SUMF1: variants seen among roughly 807,000 people sequenced by gnomAD.
SUMF1 encodes sulfatase modifying factor 1.
Under a neutral mutation model 47.6 loss-of-function variants are expected in SUMF1, and 48 were observed. The ratio of observed to expected loss-of-function variants is 1.01; its 90% CI spans 0.80 to 1.28. The LOEUF is 1.28. SUMF1 is among the 50% of genes most tolerant of loss of function. The pLI, the probability that SUMF1 is intolerant of heterozygous loss-of-function variation, is 0.00. For synonymous variants in SUMF1, 230 were observed against 192.1 expected (o/e 1.20, Z -1.63); for missense variants, 571 against 485.4 (o/e 1.18, Z -1.66).
At chr3:4,444,619 C>A (rs12634249) in intron 3 of SUMF1, among the ~76,000 whole-genome samples, 30,216 of 152,044 alleles carry the variant, frequency 0.2, 3,402 homozygotes, top group Admixed American at 0.28. Flanking sequence ...AAAATAAATG[C>A]GTGATTATAG....
At chr3:4,311,531 A>G (rs1169494123) in intron 8 of SUMF1, among the ~76,000 whole-genome samples, 5 of 152,198 alleles carry the variant, frequency 3.3e-5, no homozygotes, top group Admixed American at 6.5e-5. Flanking sequence ...AGAAGAACAC[A>G]TTGGTGGAAT....
intron 8 of SUMF1, among the ~76,000 whole-genome samples, chr3:4,290,194 A>G (rs17040346): frequency 0.074 from 11,312 of 152,210 alleles, 1,014 homozygotes; most frequent in African/African-American, 0.21. Context: ...AGTATTTTCC[A>G]TCTTTTGTCA....
chr3:4,284,474 A>AAGG (rs1305350474), intron 8 of SUMF1, among the ~76,000 whole-genome samples: 3 of 119,320 alleles, frequency 2.5e-5, no homozygotes, highest in Admixed American at 8.1e-5. Flanking sequence ...GGAGGAGGAG[A>AAGG]AGGAGGAGGA....
chr3:4,348,682 T>G (rs1417443396), intron 8 of SUMF1, among the ~76,000 whole-genome samples: 3 of 148,920 alleles, frequency 2.0e-5, no homozygotes, highest in African/African-American at 7.5e-5. Flanking sequence ...CTGACCAACA[T>G]GCAGAAATGC....
rs573507533 is a variant in SUMF1 at position 4,432,310 on chromosome 3, G to C, written c.520-12164C>G. On this transcript the variant is annotated intron_variant, in intron 3 of 8. Transcript: ENST00000272902. ...CTTCCAAATATCAGATCACTTCTTA[G>C]CTTCTCTCTTCCTACCACCTGGTTC... Among the ~76,000 whole-genome samples the C allele has an allele frequency of 2.1e-4, 32 of 151,032 alleles. 1 individual carries two copies. The South Asian group carries it at 6.7e-3, about 32-fold the overall frequency.
chr3:4,167,434 G>T (rs1285153450), intron 8 of SUMF1, among the ~76,000 whole-genome samples: 1 of 152,068 alleles, frequency 6.6e-6, no homozygotes, highest in Non-Finnish European at 1.5e-5. Flanking sequence ...CCATTTTACA[G>T]AGTGCTGATT....
At chr3:4,258,398 A>G (rs1246830224) in intron 8 of SUMF1, among the ~76,000 whole-genome samples, 2 of 143,030 alleles carry the variant, frequency 1.4e-5, no homozygotes, top group Non-Finnish European at 3.0e-5. Context: ...TCTACAATGA[A>G]CTCAAACAAA....
chr3:4,420,397 ATT>A (rs35849841), intron 3 of SUMF1, among the ~76,000 whole-genome samples: 1 of 140,826 alleles, frequency 7.1e-6, no homozygotes, highest in African/African-American at 2.6e-5. Context: ...ATCTATAAGA[ATT>A]TTTTTTTTTT....
At chr3:4,067,333 A>C (rs1695400727) in intron 9 of SUMF1, among the ~76,000 whole-genome samples, 1 of 152,194 alleles carries the variant, frequency 6.6e-6, no homozygotes, top group South Asian at 2.1e-4. Flanking sequence ...GTTTTGAGGC[A>C]TATATACCAT....
At chr3:4,236,003 T>C (rs1398124440) in intron 8 of SUMF1, among the ~76,000 whole-genome samples, 4 of 152,092 alleles carry the variant, frequency 2.6e-5, no homozygotes, top group African/African-American at 2.4e-5. Flanking sequence ...AGTTCAGCGA[T>C]AGGATTTTGG....
chr3:4,070,466 C>G (rs1410790124), intron 8 of SUMF1, among the ~76,000 whole-genome samples: 2 of 152,116 alleles, frequency 1.3e-5, no homozygotes, highest in Admixed American at 6.5e-5. Flanking sequence ...TGAAGTCATT[C>G]TTTCTAAGAG....
At chr3:4,447,913 G>C (rs140799232) in intron 3 of SUMF1, among the ~76,000 whole-genome samples, 103 of 152,170 alleles carry the variant, frequency 6.8e-4, no homozygotes, top group African/African-American at 2.4e-3. Context: ...CCCTGTATCT[G>C]AAAAGGCAAA....
intron 9 of SUMF1, among the ~76,000 whole-genome samples, chr3:4,036,717 G>A (rs1361700395): frequency 6.6e-6 from 1 of 151,820 alleles, no homozygotes; most frequent in Non-Finnish European, 1.5e-5. Flanking sequence ...AATCTATTCT[G>A]GTGCTGAATG....
At chr3:4,450,709 G>C (rs898204650) in intron 2 of SUMF1, among the ~76,000 whole-genome samples, 14 of 152,166 alleles carry the variant, frequency 9.2e-5, no homozygotes, top group Admixed American at 7.2e-4. Context: ...GTAAGGTAGA[G>C]TGTCATGAAA....
intron 8 of SUMF1, among the ~76,000 whole-genome samples, chr3:4,090,007 T>C (rs968570293): frequency 2.1e-4 from 32 of 152,142 alleles, no homozygotes; most frequent in African/African-American, 7.0e-4. Flanking sequence ...CTTGAGACTA[T>C]CTCAAATCAA....
In SUMF1 at chr3:4,467,115, C is replaced by G; in HGVS notation, c.131G>C (p.Gly44Ala). The change falls in exon 1 of 9, where the codon GGG (glycine) becomes GCG (alanine). Residue 44 changes from glycine (G) to alanine (A), a missense_variant. Gly to Ala is a moderately conservative substitution (Grantham distance 60, BLOSUM62 0). Transcript: ENST00000272902. ...GCAGCCGCAAGAACCCGCAAGGGAC[C>G]CCGCGCCCGCACCGGTCCCGGCCTC... is the stretch of plus-strand genomic sequence containing the variant. ...SQEAGTGAGA[G>A]SLAGSCGCGT... 1 of 1,561,278 alleles carries G rather than the reference C, an allele frequency of 6.4e-7. No individual in the cohort carries two copies. Among genetic ancestry groups the G allele is most frequent in the Non-Finnish European group, 8.7e-7 (1 of 1,154,174 alleles).
At chr3:4,341,054 T>C (rs943813315) in intron 8 of SUMF1, among the ~76,000 whole-genome samples, 11 of 152,156 alleles carry the variant, frequency 7.2e-5, no homozygotes, top group Non-Finnish European at 1.2e-4. Flanking sequence ...TCTTTGAAGA[T>C]TTGATTGTCA....
chr3:4,144,082 C>A (rs1022753879), intron 8 of SUMF1, among the ~76,000 whole-genome samples: 65 of 151,004 alleles, frequency 4.3e-4, no homozygotes, highest in African/African-American at 1.5e-3. Flanking sequence ...CCTCTACCTC[C>A]TGGGCTCAAG....
At chr3:4,173,472 C>A (rs1170455236) in intron 8 of SUMF1, among the ~76,000 whole-genome samples, 1 of 152,148 alleles carries the variant, frequency 6.6e-6, no homozygotes, top group Non-Finnish European at 1.5e-5. Context: ...GACAGTGTGG[C>A]AATTCCTCAA....
Sources: allele counts gnomAD v4.1 joint callset (sites outside exome capture counted in the v4.1 genomes callset), GRCh38; gene constraint gnomAD v4.1.1; transcripts MANE v1.5; gene names NCBI Gene and HGNC (gene_info 2026-07-23, HGNC 2026-07-21).